Variants in ZBTB7C observed in about 807,000 individuals in gnomAD.
ZBTB7C encodes zinc finger and BTB domain containing 7C, also known as zinc finger and BTB domain-containing protein 7C.
ZBTB7C carries 8 observed loss-of-function variants against 25.7 expected under a neutral mutation model. That is an observed-to-expected ratio of 0.31 (90% confidence interval 0.18 to 0.56). The LOEUF (loss-of-function observed/expected upper bound fraction) is 0.56. Ranked by LOEUF, ZBTB7C falls within the 20% of genes least tolerant of loss-of-function variation. ZBTB7C has a pLI of 0.91. For synonymous variants in ZBTB7C, 394 were observed against 369.0 expected (o/e 1.07, Z -0.78); for missense variants, 824 against 855.2 (o/e 0.96, Z 0.46).
intron 3 of ZBTB7C, among the ~76,000 whole-genome samples, chr18:48,073,454 T>C (rs542773074): frequency 6.6e-6 from 1 of 152,080 alleles, no homozygotes; most frequent in East Asian, 2.0e-4. Context: ...CCGTCTTTAT[T>C]TGTGGGCTTG....
intron 1 of ZBTB7C, among the ~76,000 whole-genome samples, chr18:48,354,449 T>TA (rs2046932289): frequency 6.6e-6 from 1 of 152,120 alleles, no homozygotes; most frequent in Admixed American, 6.5e-5. Context: ...GACCATCCAA[T>TA]ATGGACAAAC....
At chr18:48,154,727 C>T (rs778405277) in intron 3 of ZBTB7C, among the ~76,000 whole-genome samples, 27 of 152,142 alleles carry the variant, frequency 1.8e-4, no homozygotes, top group Non-Finnish European at 3.7e-4. Flanking sequence ...AGCATCATCC[C>T]ATAATGCACT....
chr18:48,160,765 A>G (rs2040984584), intron 3 of ZBTB7C, among the ~76,000 whole-genome samples: 1 of 152,000 alleles, frequency 6.6e-6, no homozygotes. Context: ...TGAGAAGTTG[A>G]ACTGGCCGCA....
intron 2 of ZBTB7C, among the ~76,000 whole-genome samples, chr18:48,210,123 C>T (rs1414946071): frequency 6.6e-6 from 1 of 152,194 alleles, no homozygotes; most frequent in East Asian, 1.9e-4. Flanking sequence ...TAAGATATCA[C>T]TATCCTCTCA....
At chr18:48,078,854 T>C (rs2037872803) in intron 3 of ZBTB7C, among the ~76,000 whole-genome samples, 1 of 152,240 alleles carries the variant, frequency 6.6e-6, no homozygotes, top group South Asian at 2.1e-4. Context: ...TCCAGGTACA[T>C]CCATGTTGTA....
At chr18:48,197,528 C>CAATAAAA (rs2042345557) in intron 2 of ZBTB7C, among the ~76,000 whole-genome samples, 1 of 152,186 alleles carries the variant, frequency 6.6e-6, no homozygotes, top group African/African-American at 2.4e-5. Context: ...TATTGGTCAG[C>CAATAAAA]TAGGGCTGCT....
At chr18:48,050,481 G>T (rs118031542) in intron 3 of ZBTB7C, among the ~76,000 whole-genome samples, 1 of 152,196 alleles carries the variant, frequency 6.6e-6, no homozygotes, top group African/African-American at 2.4e-5. Flanking sequence ...CCTAGAGCCC[G>T]CAGTCCCCAG....
chr18:48,293,444 A>G (rs1333224703), intron 2 of ZBTB7C, among the ~76,000 whole-genome samples: 2 of 152,224 alleles, frequency 1.3e-5, no homozygotes, highest in Non-Finnish European at 2.9e-5. Context: ...ATAAACGTTT[A>G]AACATTCAGG....
At chr18:48,281,518 C>T (rs1232518067) in intron 2 of ZBTB7C, among the ~76,000 whole-genome samples, 2 of 152,148 alleles carry the variant, frequency 1.3e-5, no homozygotes, top group African/African-American at 4.8e-5. Flanking sequence ...TCAGAGTGAA[C>T]AGGCAACCTA....
chr18:48,227,041 AAAAG>A (rs2043119731), intron 2 of ZBTB7C, among the ~76,000 whole-genome samples: 1 of 151,160 alleles, frequency 6.6e-6, no homozygotes, highest in Non-Finnish European at 1.5e-5. Flanking sequence ...AAAAAAAAGA[AAAAG>A]AAAAAGAAAA....
intron 1 of ZBTB7C, among the ~76,000 whole-genome samples, chr18:48,367,760 A>G (rs1016560197): frequency 4.6e-5 from 7 of 152,012 alleles, no homozygotes; most frequent in African/African-American, 1.2e-4. Context: ...AGGAGGCCTA[A>G]TAGAGTCAGG....
chr18:48,085,885 G>C (rs1168150314), intron 3 of ZBTB7C, among the ~76,000 whole-genome samples: 1 of 152,144 alleles, frequency 6.6e-6, no homozygotes, highest in East Asian at 1.9e-4. Context: ...GCTCTGGTGG[G>C]AGGCCTCTGA....
At chr18:48,158,617 C>T (rs1256701033) in intron 3 of ZBTB7C, among the ~76,000 whole-genome samples, 1 of 152,154 alleles carries the variant, frequency 6.6e-6, no homozygotes, top group Non-Finnish European at 1.5e-5. Context: ...CTGAATGGCT[C>T]TCGGGTGGGC....
rs549414677 is a variant in ZBTB7C, at chr18:48,341,388, T to C, written c.-303-2990A>G. Among the ~76,000 whole-genome samples, 3 of 152,326 alleles carry C rather than the reference T, an allele frequency of 2.0e-5. No individual in the cohort carries two copies. In the South Asian group the frequency reaches 6.2e-4, roughly 32 times the overall value. On this transcript the variant is annotated intron_variant, in intron 1 of 4. Transcript: ENST00000590800. ...CTGCATTTGGATTCTCTCTGAAGAT[T>C]TAGCTGCAGAAAAGCAGCCTCCTCT...
chr18:48,173,525 C>T (rs749647966), intron 3 of ZBTB7C, among the ~76,000 whole-genome samples: 1 of 152,218 alleles, frequency 6.6e-6, no homozygotes, highest in Non-Finnish European at 1.5e-5. Context: ...TACGTCCCCC[C>T]TTCCCATCCA....
At chr18:48,162,328 C>G (rs1029536482) in intron 3 of ZBTB7C, 13 of 455,980 alleles carry the variant, frequency 2.9e-5, no homozygotes, top group Non-Finnish European at 4.8e-5. Flanking sequence ...CAGGGCCGCA[C>G]TGAAGCCCAG....
chr18:48,220,007 C>T (rs1472440550), intron 2 of ZBTB7C, among the ~76,000 whole-genome samples: 2 of 152,146 alleles, frequency 1.3e-5, no homozygotes. Flanking sequence ...ACATTTGTCC[C>T]AAAGACTTCT....
chr18:48,299,457 A>T (rs1301443632), intron 2 of ZBTB7C, among the ~76,000 whole-genome samples: 1 of 152,240 alleles, frequency 6.6e-6, no homozygotes, highest in Non-Finnish European at 1.5e-5. Flanking sequence ...TCTTGCATAA[A>T]CATGAGGAAA....
At chr18:48,297,966 G>A (rs1268685321) in intron 2 of ZBTB7C, among the ~76,000 whole-genome samples, 14 of 152,136 alleles carry the variant, frequency 9.2e-5, no homozygotes, top group African/African-American at 3.4e-4. Flanking sequence ...CAGTCACTGA[G>A]TGTCCTAATA....
Sources: gnomAD v4.1 joint callset for allele counts (sites outside exome capture counted in the v4.1 genomes callset) on GRCh38, gnomAD v4.1.1 for gene constraint, MANE v1.5 for transcripts, NCBI Gene and HGNC (gene_info 2026-07-23, HGNC 2026-07-21) for gene names.